The following REV3L variants were observed in gnomAD, a reference collection of about 807,000 sequenced individuals.
The protein encoded by REV3L is DNA polymerase zeta catalytic subunit.
REV3L carries 69 observed loss-of-function variants against 299.4 expected under a neutral mutation model. That is an observed-to-expected ratio of 0.23 (90% CI 0.19 to 0.28). The LOEUF is 0.28. REV3L is among the 10% of genes least tolerant of loss of function. The probability of loss-of-function intolerance (pLI) is 1.00; values close to 1 mark genes in which losing one functional copy is unlikely to be tolerated. For missense variants in REV3L, 3,128 were observed against 3,693.8 expected (o/e 0.85, Z 3.97); for synonymous variants, 1,238 against 1,271.4 (o/e 0.97, Z 0.56).
intron 18 of REV3L, among the ~76,000 whole-genome samples, chr6:111,353,364 T>C (rs1411379108): frequency 1.3e-5 from 2 of 152,194 alleles, no homozygotes; most frequent in African/African-American, 2.4e-5. Flanking sequence ...AATGTCACAA[T>C]AAATGTTTTC....
chr6:111,481,719 C>T (rs986534319), intron 1 of REV3L, among the ~76,000 whole-genome samples: 3 of 152,122 alleles, frequency 2.0e-5, no homozygotes, highest in Non-Finnish European at 4.4e-5. Flanking sequence ...TGCATTATTT[C>T]CTAGAACTCC....
rs118093360 is a variant in REV3L, at chr6:111,333,142, G to A, written c.7906C>T (p.His2636Tyr). 4 of 1,613,986 alleles carry A rather than the reference G, an allele frequency of 2.5e-6. No homozygotes were observed. Among genetic ancestry groups the A allele is most frequent in the Non-Finnish European group, 3.4e-6 (4 of 1,179,970 alleles). ...YNYCFSTCLG[H>Y]VENLGKYDEF... Reference sequence around the variant, plus strand: ...CCTTACTTTCCCAAGTTCTCCACATGGCCAAGGCAGGTGGAAAAGCAGTAG... The same window carrying A: ...CCTTACTTTCCCAAGTTCTCCACATAGCCAAGGCAGGTGGAAAAGCAGTAG... The change falls in exon 23 of 32, where the codon CAT becomes TAT. Residue 2636 changes from histidine (H) to tyrosine (Y), a missense_variant. Coordinates refer to ENST00000368802, the MANE Select transcript of REV3L (RefSeq NM_001372078.1).
chr6:111,321,148 A>T (rs1424442798), intron 26 of REV3L, among the ~76,000 whole-genome samples: 1 of 152,150 alleles, frequency 6.6e-6, no homozygotes, highest in Non-Finnish European at 1.5e-5. Context: ...TTCTTATCCT[A>T]GGGAAATTTG....
intron 10 of REV3L, among the ~76,000 whole-genome samples, chr6:111,381,123 C>A (rs990260628): frequency 1.3e-5 from 2 of 152,114 alleles, no homozygotes; most frequent in African/African-American, 4.8e-5. Context: ...AAACTATTTT[C>A]TTTCACAAAT....
At chr6:111,479,891 A>G (rs1793417213) in intron 1 of REV3L, among the ~76,000 whole-genome samples, 1 of 152,204 alleles carries the variant, frequency 6.6e-6, no homozygotes, top group Admixed American at 6.5e-5. Context: ...AAAACACTTT[A>G]TTTCTTAAAT....
At chr6:111,377,615 G>A (rs1780441918) in intron 12 of REV3L, 86 bp downstream of exon 12, 3 of 1,313,944 alleles carry the variant, frequency 2.3e-6, no homozygotes, top group Non-Finnish European at 2.1e-6. Flanking sequence ...GGGATTACAG[G>A]TGTGAGCCAG....
intron 17 of REV3L, among the ~76,000 whole-genome samples, chr6:111,357,723 T>G (rs568199060): frequency 2.0e-5 from 3 of 152,230 alleles, no homozygotes; most frequent in Middle Eastern, 6.8e-3. Flanking sequence ...ATATCTCTTG[T>G]GAAGAAACTG....
intron 1 of REV3L, among the ~76,000 whole-genome samples, chr6:111,424,509 A>C (rs943102409): frequency 1.3e-5 from 2 of 152,224 alleles, no homozygotes; most frequent in East Asian, 3.8e-4. Context: ...ATGAATGCTA[A>C]AACAGCAAGC....
Position 111,367,238 on chromosome 6 carries a change from G to A in REV3L, c.6550C>T (p.Pro2184Ser), listed in dbSNP as rs1779320254. ...CCAGTTCTTGCCCTAGTATTAATTG[G>A]AGATATCACTAGAGGCTCTTGAGGC... ...SEPQEPLVIS[P>S]INTRARTGKC... is the part of the protein sequence containing the mutation. The change falls in exon 14 of 32, where the codon CCA (proline) becomes TCA (serine). Residue 2184 changes from proline to serine, a missense_variant. Transcript: ENST00000368802. The A allele has an allele frequency of 6.2e-7, 1 of 1,614,068 alleles. No individual in the cohort carries two copies. The highest frequency in any genetic ancestry group is 2.2e-5 in the East Asian group (1 of 44,878).
chr6:111,480,039 T>C (rs1389353420), intron 1 of REV3L, among the ~76,000 whole-genome samples: 1 of 152,232 alleles, frequency 6.6e-6, no homozygotes, highest in Non-Finnish European at 1.5e-5. Flanking sequence ...TCAGAATTTG[T>C]AATATAATTT....
intron 9 of REV3L, among the ~76,000 whole-genome samples, chr6:111,386,060 A>C (rs1781314248): frequency 6.6e-6 from 1 of 152,246 alleles, no homozygotes; most frequent in Non-Finnish European, 1.5e-5. Flanking sequence ...CTAACCATGT[A>C]TAAGCTAATT....
At chr6:111,452,372 G>A (rs1789653577) in intron 1 of REV3L, among the ~76,000 whole-genome samples, 1 of 152,020 alleles carries the variant, frequency 6.6e-6, no homozygotes, top group African/African-American at 2.4e-5. Context: ...AGAAATGAAA[G>A]TATATAATCA....
chr6:111,446,838 G>A (rs1788919112), intron 1 of REV3L, among the ~76,000 whole-genome samples: 1 of 152,116 alleles, frequency 6.6e-6, no homozygotes, highest in African/African-American at 2.4e-5. Context: ...ACTGAGATTA[G>A]TGGCTATGGC....
intron 1 of REV3L, among the ~76,000 whole-genome samples, chr6:111,438,386 A>C (rs1582994789): frequency 6.6e-6 from 1 of 151,968 alleles, no homozygotes; most frequent in African/African-American, 2.4e-5. Flanking sequence ...TGATGCACTA[A>C]ATATAGTATT....
intron 30 of REV3L, 159 bp from the exon 31 acceptor site, chr6:111,307,729 A>C: frequency 1.6e-6 from 1 of 625,986 alleles, no homozygotes; most frequent in Non-Finnish European, 2.8e-6. Flanking sequence ...TGTTCCAGAC[A>C]CTGGAGCTAC....
rs943319310 is a variant in REV3L at position 111,482,560 on chromosome 6, G to A, written c.139+190C>T. 1.1e-4 allele frequency among the ~76,000 whole-genome samples: 17 copies of A among 151,810 alleles called. 1 individual carries two copies. The highest frequency in any genetic ancestry group is 2.4e-5 in the African/African-American group (1 of 41,368). Reference sequence around the variant, plus strand: ...GGTGGGGGCGCCGCGCAGCGCTCGCGCGGACCCACATTTTTGCGGCTCTTG... The same window carrying A: ...GGTGGGGGCGCCGCGCAGCGCTCGCACGGACCCACATTTTTGCGGCTCTTG... On this transcript the variant is annotated intron_variant, in intron 1 of 31. Coordinates refer to ENST00000368802, the MANE Select transcript of REV3L (RefSeq NM_001372078.1).
chr6:111,424,696 A>G (rs1263424824), intron 1 of REV3L, among the ~76,000 whole-genome samples: 1 of 152,176 alleles, frequency 6.6e-6, no homozygotes, highest in Non-Finnish European at 1.5e-5. Flanking sequence ...AACTGCCACT[A>G]TTGGACTTGT....
chr6:111,382,258 G>A (rs1780906699), intron 9 of REV3L, among the ~76,000 whole-genome samples: 1 of 152,114 alleles, frequency 6.6e-6, no homozygotes, highest in African/African-American at 2.4e-5. Context: ...AAAATCAGGA[G>A]AGCAATCACA....
chr6:111,439,839 G>C (rs1290134599), intron 1 of REV3L, among the ~76,000 whole-genome samples: 1 of 152,136 alleles, frequency 6.6e-6, no homozygotes. Flanking sequence ...ACCGAAAACA[G>C]AAAGGGCCCA....
Sources: gnomAD v4.1 joint callset for allele counts (sites outside exome capture counted in the v4.1 genomes callset) on GRCh38, gnomAD v4.1.1 for gene constraint, MANE v1.5 for transcripts, NCBI Gene and HGNC (gene_info 2026-07-23, HGNC 2026-07-21) for gene names.